HIVEP2: variants seen among roughly 807,000 people sequenced by gnomAD.
HIVEP2 encodes the protein HIVEP zinc finger 2.
A neutral mutation model predicts 180.7 loss-of-function variants in HIVEP2; 14 were observed. The ratio of observed to expected loss-of-function variants is 0.08; its 90% CI spans 0.05 to 0.12. HIVEP2 has a LOEUF of 0.12. Ranked by LOEUF, HIVEP2 falls within the 10% of genes least tolerant of loss-of-function variation. The pLI, the probability that HIVEP2 is intolerant of heterozygous loss-of-function variation, is 1.00. For missense variants in HIVEP2, 2,579 were observed against 3,008.5 expected (o/e 0.86, Z 3.34); for synonymous variants, 1,184 against 1,136.4 (o/e 1.04, Z -0.84).
intron 1 of HIVEP2, among the ~76,000 whole-genome samples, chr6:142,940,397 C>T (rs918813613): frequency 7.2e-5 from 11 of 152,206 alleles, no homozygotes; most frequent in African/African-American, 2.7e-4. Flanking sequence ...GATGTGGAAG[C>T]ACTGAGAAGA....
chr6:142,913,584 C>T (rs1290973533), intron 1 of HIVEP2, among the ~76,000 whole-genome samples: 1 of 152,200 alleles, frequency 6.6e-6, no homozygotes, highest in Non-Finnish European at 1.5e-5. Flanking sequence ...GAGGTGTCTA[C>T]AGGGCCACCA....
intron 1 of HIVEP2, among the ~76,000 whole-genome samples, chr6:142,916,504 TCCCTCCACCTGGA>T (rs2128432464): frequency 6.6e-6 from 1 of 152,252 alleles, no homozygotes; most frequent in South Asian, 2.1e-4. Context: ...CCCTAGCTGT[TCCCTCCACCTGGA>T]GAATCCACCA....
At chr6:142,863,974 TAAAC>T (rs1776071030) in intron 1 of HIVEP2, among the ~76,000 whole-genome samples, 1 of 152,192 alleles carries the variant, frequency 6.6e-6, no homozygotes, top group Non-Finnish European at 1.5e-5. Context: ...TATACTGCTG[TAAAC>T]AAAGATCGTG....
intron 1 of HIVEP2, among the ~76,000 whole-genome samples, chr6:142,843,413 A>G (rs566751411): frequency 6.6e-6 from 1 of 152,358 alleles, no homozygotes; most frequent in Admixed American, 6.5e-5. Context: ...GACTCTAAGG[A>G]TAATAGGAGT....
intron 1 of HIVEP2, among the ~76,000 whole-genome samples, chr6:142,922,458 C>T (rs552977914): frequency 6.6e-6 from 1 of 152,266 alleles, no homozygotes; most frequent in African/African-American, 2.4e-5. Flanking sequence ...AAGTATACTT[C>T]TAAAATTTTA....
At position 142,803,643 on chromosome 6, in the gene HIVEP2, G is replaced by A. The variant is rs1388411444; in HGVS notation, c.-527-20028C>T. Among the ~76,000 whole-genome samples the A allele has an allele frequency of 2.7e-5, 4 of 149,822 alleles. No individual in the cohort carries two copies. In the East Asian group the frequency reaches 5.9e-4, roughly 22 times the overall value. On this transcript the variant is annotated intron_variant, in intron 2 of 9. Transcript: ENST00000367603. Reference sequence around the variant, plus strand: ...AGATATCCTTCCTAAACTCAAAAGCGCACAGATGCTTACACTGAAAATAAA... The same window carrying A: ...AGATATCCTTCCTAAACTCAAAAGCACACAGATGCTTACACTGAAAATAAA...
intron 1 of HIVEP2, among the ~76,000 whole-genome samples, chr6:142,882,358 C>T (rs1471793096): frequency 6.6e-6 from 1 of 152,122 alleles, no homozygotes; most frequent in Non-Finnish European, 1.5e-5. Flanking sequence ...TGCCTGTAAT[C>T]CCAGCATGCT....
At chr6:142,829,825 A>G (rs919145192) in intron 2 of HIVEP2, among the ~76,000 whole-genome samples, 3 of 152,256 alleles carry the variant, frequency 2.0e-5, no homozygotes, top group African/African-American at 7.2e-5. Context: ...ATGATGACAG[A>G]ATCAAGCTCT....
intron 2 of HIVEP2, among the ~76,000 whole-genome samples, chr6:142,827,602 C>A (rs1774946883): frequency 1.3e-5 from 2 of 152,186 alleles, no homozygotes; most frequent in South Asian, 4.1e-4. Flanking sequence ...CCAAGGAGAG[C>A]CCGAGGACTT....
At chr6:142,841,912 A>G (rs1283151045) in intron 1 of HIVEP2, among the ~76,000 whole-genome samples, 1 of 152,198 alleles carries the variant, frequency 6.6e-6, no homozygotes, top group Non-Finnish European at 1.5e-5. Context: ...ATTCCTCACA[A>G]GGTTCCCTAA....
chr6:142,888,488 T>C (rs767985863), intron 1 of HIVEP2, among the ~76,000 whole-genome samples: 5 of 152,222 alleles, frequency 3.3e-5, no homozygotes, highest in Non-Finnish European at 7.3e-5. Flanking sequence ...CATTGTTTAA[T>C]AGTGACATTT....
chr6:142,940,203 A>G (rs1474321675), intron 1 of HIVEP2, among the ~76,000 whole-genome samples: 1 of 152,226 alleles, frequency 6.6e-6, no homozygotes, highest in Non-Finnish European at 1.5e-5. Flanking sequence ...GTAGTTATTT[A>G]TTAATTGAAT....
chr6:142,833,600 T>C (rs1775150193), intron 2 of HIVEP2, among the ~76,000 whole-genome samples: 1 of 152,180 alleles, frequency 6.6e-6, no homozygotes, highest in Admixed American at 6.5e-5. Context: ...AATATGTGAA[T>C]GAAAACTTAT....
chr6:142,805,288 C>T (rs948541977), intron 2 of HIVEP2, among the ~76,000 whole-genome samples: 2 of 152,056 alleles, frequency 1.3e-5, no homozygotes, highest in Non-Finnish European at 2.9e-5. Flanking sequence ...ACAGCTTGTG[C>T]TCCCCATGGA....
Position 142,774,457 on chromosome 6 carries a change from G to A in HIVEP2, c.282C>T (p.Cys94=). 1 of 1,614,164 alleles carries A rather than the reference G, an allele frequency of 6.2e-7. No homozygotes were observed. Among genetic ancestry groups the A allele is most frequent in the East Asian group, 2.2e-5 (1 of 44,878 alleles). Residue 94 remains cysteine, a synonymous_variant, in exon 5 of 10, where the codon TGC becomes TGT. Coordinates refer to ENST00000367603, the MANE Select transcript of HIVEP2 (RefSeq NM_006734.4). The surrounding 1 kb of genome is among the most constrained non-coding windows in gnomAD (Gnocchi z 5.1). ...GCTGAGGGAAAGAGAGTGAGTGTTG[G>A]CATGAGTAAGGACTCGGACGATGCG... ...YPPHRPSPYS[C]QHSLSFPQHS...
chr6:142,894,010 C>T (rs1450574135), intron 1 of HIVEP2, among the ~76,000 whole-genome samples: 1 of 152,202 alleles, frequency 6.6e-6, no homozygotes, highest in African/African-American at 2.4e-5. Context: ...CAAACATTCG[C>T]TCACTTAATC....
At chr6:142,857,000 G>T (rs1270722551) in intron 1 of HIVEP2, among the ~76,000 whole-genome samples, 2 of 152,164 alleles carry the variant, frequency 1.3e-5, no homozygotes, top group African/African-American at 4.8e-5. Context: ...GTCAGGTGTT[G>T]CCCAAATGGT....
At chr6:142,817,799 G>C (rs1335980010) in intron 2 of HIVEP2, among the ~76,000 whole-genome samples, 1 of 152,032 alleles carries the variant, frequency 6.6e-6, no homozygotes, top group Non-Finnish European at 1.5e-5. Flanking sequence ...CAGGGGGATA[G>C]CCTGAGGTCA....
At chr6:142,922,561 A>T (rs541818013) in intron 1 of HIVEP2, among the ~76,000 whole-genome samples, 1 of 152,270 alleles carries the variant, frequency 6.6e-6, no homozygotes, top group African/African-American at 2.4e-5. Flanking sequence ...TAAGCCTCAT[A>T]AGGTCTGTTT....
Sources: gnomAD v4.1 joint callset for allele counts (sites outside exome capture counted in the v4.1 genomes callset) on GRCh38, gnomAD v4.1.1 for gene constraint, Gnocchi (gnomAD v3.1) non-coding constraint, MANE v1.5 for transcripts, NCBI Gene and HGNC (gene_info 2026-07-23, HGNC 2026-07-21) for gene names.